The following DHRS4L2 variants were observed in gnomAD, a reference collection of about 807,000 sequenced individuals.
DHRS4L2 encodes dehydrogenase/reductase 4 like 2.
DHRS4L2 carries 22 observed loss-of-function variants against 23.9 expected under a neutral mutation model. The ratio of observed to expected loss-of-function variants is 0.92; its 90% CI spans 0.66 to 1.31. The LOEUF (loss-of-function observed/expected upper bound fraction) is 1.31, where lower values mean the gene tolerates loss of function less well. DHRS4L2 is among the 40% of genes most tolerant of loss of function. The pLI is 0.00. For synonymous variants in DHRS4L2, 141 were observed against 123.7 expected (o/e 1.14, Z -0.93); for missense variants, 385 against 303.3 (o/e 1.27, Z -2.00).
At chr14:23,970,016 G>A (rs751836546) in exon 1 of DHRS4L2, 17 of 455,726 alleles carry the variant, frequency 3.7e-5, no homozygotes, top group South Asian at 2.2e-4. Flanking sequence ...TTACTGAAGC[G>A]GAGTCTAGCA....
At chr14:23,991,985 T>G (rs2034279922) in intron 2 of DHRS4L2, among the ~76,000 whole-genome samples, 1 of 151,420 alleles carries the variant, frequency 6.6e-6, no homozygotes. Context: ...ATCCACCCCC[T>G]CGGCCTCTCA....
At chr14:23,997,538 T>C (rs2138551801) in intron 3 of DHRS4L2, among the ~76,000 whole-genome samples, 2 of 141,876 alleles carry the variant, frequency 1.4e-5, no homozygotes, top group Middle Eastern at 3.4e-3. Flanking sequence ...ACTAAGTACC[T>C]ATAATATTCT....
chr14:23,983,454 G>A (rs112590398), intron 1 of DHRS4L2, among the ~76,000 whole-genome samples: 54 of 151,748 alleles, frequency 3.6e-4, no homozygotes, highest in East Asian at 1.5e-3. Context: ...TAGTTCAACC[G>A]TTGTGGAAGA....
At position 24,004,345 on chromosome 14, in the gene DHRS4L2, G is replaced by C. The variant is rs753291784; in HGVS notation, c.674G>C (p.Trp225Ser). 3.1e-6 allele frequency: 5 copies of C among 1,603,208 alleles called. No individual in the cohort carries two copies. The Admixed American group carries it at 6.7e-5, about 22-fold the overall frequency. The change falls in exon 7 of 8, where the codon TGG (tryptophan) becomes TCG (serine). Residue 225 changes from tryptophan (W) to serine (S), a missense_variant. Physicochemically the swap from Trp to Ser is radical, Grantham distance 177. Coordinates refer to ENST00000335125, the MANE Select transcript of DHRS4L2 (RefSeq NM_198083.4). ...TTCCCTTCTTCCTACAGCTCTGGAT[G>C]GACAAGGAAAAAGAGGAAAGCATGA... The part of the protein sequence containing the change: ...SRLASAGCSG[W>S]TRKKRKA
chr14:23,977,461 A>C (rs536512868), intron 1 of DHRS4L2, among the ~76,000 whole-genome samples: 1 of 151,778 alleles, frequency 6.6e-6, no homozygotes, highest in South Asian at 2.1e-4. Context: ...GCCACCACCA[A>C]AGTTTAAGCC....
At chr14:23,981,258 A>T (rs1330521775) in intron 1 of DHRS4L2, among the ~76,000 whole-genome samples, 1 of 151,594 alleles carries the variant, frequency 6.6e-6, no homozygotes, top group Non-Finnish European at 1.5e-5. Flanking sequence ...GATGTGAAGG[A>T]CCTCTTCAAG....
intron 1 of DHRS4L2, 134 bp from the exon 2 acceptor site, chr14:23,990,048 A>G (rs2034233427): frequency 7.2e-7 from 1 of 1,397,426 alleles, no homozygotes; most frequent in Non-Finnish European, 9.7e-7. Flanking sequence ...TGTTTTACAC[A>G]TAGTAGGCAC....
chr14:23,992,972 AC>A (rs1188700217), intron 2 of DHRS4L2, among the ~76,000 whole-genome samples: 5 of 147,122 alleles, frequency 3.4e-5, no homozygotes, highest in Admixed American at 6.8e-5. Context: ...GAGCCACCAC[AC>A]CCAGCCTCAT....
chr14:23,983,976 A>C (rs936636167), upstream of DHRS4L2, among the ~76,000 whole-genome samples: 1 of 151,528 alleles, frequency 6.6e-6, no homozygotes. Flanking sequence ...GCACGTTTAT[A>C]CCTATATAAC....
At chr14:23,994,166 G>A (rs2034328789) in intron 2 of DHRS4L2, among the ~76,000 whole-genome samples, 1 of 151,800 alleles carries the variant, frequency 6.6e-6, no homozygotes, top group Non-Finnish European at 1.5e-5. Context: ...ATTCAGGTAA[G>A]TGTGGACAGA....
intron 1 of DHRS4L2, among the ~76,000 whole-genome samples, chr14:23,971,196 A>G (rs1179653919): frequency 6.6e-6 from 1 of 152,060 alleles, no homozygotes; most frequent in Non-Finnish European, 1.5e-5. Flanking sequence ...GTAATAACAA[A>G]CTACTCCCAG....
intron 3 of DHRS4L2, among the ~76,000 whole-genome samples, chr14:23,995,611 AAAAAT>A (rs1227949827): frequency 1.3e-5 from 2 of 151,910 alleles, no homozygotes; most frequent in Admixed American, 6.5e-5. Context: ...CATCCTTTAA[AAAAAT>A]AAAATAAAAA....
chr14:23,989,385 C>G (rs1428391737), intron 1 of DHRS4L2, among the ~76,000 whole-genome samples: 1 of 151,700 alleles, frequency 6.6e-6, no homozygotes, highest in Non-Finnish European at 1.5e-5. Flanking sequence ...AGACCAGAAA[C>G]TGGAAATGCA....
chr14:23,999,363 AAAAAAAAAAAAC>A (rs1454574466), intron 3 of DHRS4L2, among the ~76,000 whole-genome samples: 1 of 144,104 alleles, frequency 6.9e-6, no homozygotes, highest in African/African-American at 2.5e-5. Context: ...AAAAAAAAAA[AAAAAAAAAAAAC>A]AATATCTGCA....
upstream of DHRS4L2, among the ~76,000 whole-genome samples, chr14:23,986,508 A>T (rs532891727): frequency 5.3e-4 from 29 of 54,484 alleles, 1 homozygote; most frequent in East Asian, 0.024. Flanking sequence ...AAAGTATAAT[A>T]AAAAAAAAAA....
upstream of DHRS4L2, chr14:23,987,161 C>A: frequency 3.1e-6 from 1 of 320,760 alleles, no homozygotes; most frequent in Non-Finnish European, 6.1e-6. Flanking sequence ...GACAGAGTCT[C>A]CATCTGTCGC....
At chr14:24,001,634 G>A in intron 6 of DHRS4L2, 117 bp downstream of exon 6, 1 of 1,451,698 alleles carries the variant, frequency 6.9e-7, no homozygotes, top group South Asian at 1.4e-5. Context: ...TCCTTCCCTG[G>A]ACTTTCCCAT....
chr14:23,975,029 T>A (rs577184790), intron 1 of DHRS4L2, among the ~76,000 whole-genome samples: 6 of 151,132 alleles, frequency 4.0e-5, no homozygotes, highest in African/African-American at 1.2e-4. Flanking sequence ...GAATCCAGCA[T>A]AAGGATGCAT....
chr14:24,001,595 T>TG (rs895849717), intron 6 of DHRS4L2, 78 bp downstream of exon 6: 1 of 1,556,482 alleles, frequency 6.4e-7, no homozygotes, highest in African/African-American at 1.6e-5. Context: ...GCCCACTACC[T>TG]GAGTCCTGAG....
Sources: gnomAD v4.1 joint callset for allele counts (sites outside exome capture counted in the v4.1 genomes callset) on GRCh38, gnomAD v4.1.1 for gene constraint, MANE v1.5 for transcripts, NCBI Gene and HGNC (gene_info 2026-07-23, HGNC 2026-07-21) for gene names.